The following DACT1 variants were observed in gnomAD, a reference collection of about 807,000 sequenced individuals.
DACT1 encodes dishevelled binding antagonist of beta catenin 1, also known as dapper homolog 1.
DACT1 carries 19 observed loss-of-function variants against 35.3 expected under a neutral mutation model. The observed-to-expected ratio is 0.54, with a 90% CI of 0.38 to 0.79. The LOEUF is 0.79. Ranked by LOEUF, DACT1 falls within the 30% of genes least tolerant of loss-of-function variation. The pLI is 0.00. For missense variants in DACT1, 1,143 were observed against 1,057.5 expected (o/e 1.08, Z -1.12); for synonymous variants, 545 against 466.7 (o/e 1.17, Z -2.16).
In DACT1 at chr14:58,641,700, C is replaced by G; in HGVS notation, c.587C>G (p.Pro196Arg). 6.2e-7 allele frequency: 1 copy of G among 1,614,170 alleles called. No individual in the cohort carries two copies. The highest frequency in any genetic ancestry group is 8.5e-7 in the Non-Finnish European group (1 of 1,180,028). The part of the protein sequence containing the change: ...SCHSSTCFCS[P>R]LEATLSLSDG... ...CATTCCAGCACCTGCTTTTGCAGCC[C>G]CTTGGAGGCGACCTTGAGTCTCTCA... Residue 196 changes from proline to arginine, a missense_variant, in exon 3 of 4, where the codon CCC (proline) becomes CGC (arginine). This residue lies in a region of DACT1 where 1,054 missense variants were observed against 958.8 expected (regional missense o/e 1.10). Coordinates refer to ENST00000395153, the MANE Select transcript of DACT1 (RefSeq NM_001079520.2).
chr14:58,647,181 C>A lies in DACT1; in HGVS notation c.*47C>A, dbSNP rs759708051. 27 of 1,575,214 alleles carry A rather than the reference C, an allele frequency of 1.7e-5. 1 individual carries two copies. The South Asian group carries it at 1.9e-4, about 11-fold the overall frequency. ...GTTTGTGTGTTTTTTTTTCTTCTCCCTAGTTGCCAAAATTAAAAAGGTGGT... is the reference window on the plus strand; with the variant it reads ...GTTTGTGTGTTTTTTTTTCTTCTCCATAGTTGCCAAAATTAAAAAGGTGGT... On this transcript the variant is annotated 3_prime_UTR_variant, in exon 4 of 4. Coordinates refer to ENST00000395153, the MANE Select transcript of DACT1 (RefSeq NM_001079520.2).
Position 58,646,082 on chromosome 14 carries a change from A to C in DACT1, c.1348A>C (p.Lys450Gln), listed in dbSNP as rs761434512. 1.2e-6 allele frequency: 2 copies of C among 1,613,600 alleles called. No individual in the cohort carries two copies. The highest frequency in any genetic ancestry group is 2.2e-5 in the South Asian group (2 of 91,046). The change falls in exon 4 of 4, where the codon AAA (lysine) becomes CAA (glutamine). Residue 450 changes from lysine to glutamine, a missense_variant. Physicochemically the swap from Lys to Gln is moderately conservative, Grantham distance 53. Coordinates refer to ENST00000395153, the MANE Select transcript of DACT1 (RefSeq NM_001079520.2). ...CGCTCAGCTCTCAGGGGCCTCTCCA[A>C]AAGAGAGTCCTAGCAGAGGCCCTGC... ...ESAQLSGASP[K>Q]ESPSRGPAPP...
rs756585155 is a variant in DACT1, at chr14:58,646,751, C to T, written c.2017C>T (p.Pro673Ser). Residue 673 changes from proline (P) to serine (S), a missense_variant, in exon 4 of 4, where the codon CCT (proline) becomes TCT (serine). This residue lies in a region of DACT1 where 1,054 missense variants were observed against 958.8 expected (regional missense o/e 1.10). Coordinates refer to ENST00000395153, the MANE Select transcript of DACT1 (RefSeq NM_001079520.2). ...TGTGGGGCTGTACCCCGCGCCTGTG[C>T]CTCTGCCCTACGCCAGCCCCTACGC... ...ENVGLYPAPV[P>S]LPYASPYAYV... 3.5e-5 allele frequency: 57 copies of T among 1,613,956 alleles called. No homozygotes were observed. Among genetic ancestry groups the T allele is most frequent in the Non-Finnish European group, 4.7e-5 (55 of 1,180,030 alleles).
Position 58,646,271 on chromosome 14 carries a change from G to C in DACT1, c.1537G>C (p.Glu513Gln), listed in dbSNP as rs1319010462. 3.1e-6 allele frequency: 5 copies of C among 1,613,676 alleles called. No homozygotes were observed. The Admixed American group carries it at 8.4e-5, about 27-fold the overall frequency. ...GAGCGAGGGCTCTTCCCAAAGCCTG[G>C]AGGAAGCGCACCTGGTCAAGGCCCA... ...FKSEGSSQSL[E>Q]EAHLVKAQFI... Residue 513 changes from glutamate to glutamine, a missense_variant, in exon 4 of 4, where the codon GAG becomes CAG. By Grantham distance (29) the Glu-to-Gln change is conservative. Around this residue, in one of 3 missense-constraint regions of DACT1, gnomAD observed 1,054 missense variants for 958.8 expected, o/e 1.10. Transcript: ENST00000395153.
In DACT1 at chr14:58,646,092, C is replaced by T. The variant is rs1184270862; in HGVS notation, c.1358C>T (p.Pro453Leu). ...TCAGGGGCCTCTCCAAAAGAGAGTC[C>T]TAGCAGAGGCCCTGCCCCGCCGCAG... Reference protein sequence around the residue: ...QLSGASPKESPSRGPAPPQEN... With the variant: ...QLSGASPKESLSRGPAPPQEN... The change falls in exon 4 of 4, where the codon CCT (proline) becomes CTT (leucine). Residue 453 changes from proline to leucine, a missense_variant. Transcript: ENST00000395153. 3 of 1,613,052 alleles carry T rather than the reference C, an allele frequency of 1.9e-6. No homozygotes were observed. Among genetic ancestry groups the T allele is most frequent in the Non-Finnish European group, 2.5e-6 (3 of 1,179,732 alleles).
chr14:58,637,401 T>C (rs1244731177), upstream of DACT1, among the ~76,000 whole-genome samples: 1 of 152,254 alleles, frequency 6.6e-6, no homozygotes, highest in Non-Finnish European at 1.5e-5. Flanking sequence ...TTGTGCTCTG[T>C]ATTGCTTGCC....
chr14:58,638,601 C>T lies in DACT1; in HGVS notation c.345+54C>T, dbSNP rs1334283071. On this transcript the variant is annotated intron_variant, in intron 1 of 3. Transcript: ENST00000395153. ...CTGTTCCTGCCCAGGGGCTGGAGGTCGGGCAGGTGGCCTGGGGCGGGCGCG... is the reference window on the plus strand; with the variant it reads ...CTGTTCCTGCCCAGGGGCTGGAGGTTGGGCAGGTGGCCTGGGGCGGGCGCG... 7.7e-6 allele frequency: 10 copies of T among 1,295,456 alleles called. No homozygotes were observed. The African/African-American group carries it at 1.1e-4, about 14-fold the overall frequency. 80.2% of individuals were successfully genotyped at this position (1,295,456 alleles called of 1,614,324 possible).
chr14:58,635,843 A>G (rs2047569709), upstream of DACT1, among the ~76,000 whole-genome samples: 1 of 152,206 alleles, frequency 6.6e-6, no homozygotes, highest in Non-Finnish European at 1.5e-5. Context: ...GGCCACAATA[A>G]TAGACTCCAC....
chr14:58,639,256 G>C, intron 1 of DACT1: 1 of 985,382 alleles, frequency 1.0e-6, no homozygotes, highest in South Asian at 4.7e-5. Context: ...AAGAGAACCT[G>C]CTCTCGGTAA....
chr14:58,635,841 T>C (rs1370868059), upstream of DACT1, among the ~76,000 whole-genome samples: 1 of 152,114 alleles, frequency 6.6e-6, no homozygotes, highest in Non-Finnish European at 1.5e-5. Flanking sequence ...CAGGCCACAA[T>C]AATAGACTCC....
At position 58,638,216 on chromosome 14, in the gene DACT1, C is replaced by T. The variant is rs1424908602; in HGVS notation, c.14C>T (p.Pro5Leu). The change falls in exon 1 of 4, where the codon CCG becomes CTG. Residue 5 changes from proline (P) to leucine (L), a missense_variant. Physicochemically the swap from Pro to Leu is moderately conservative, Grantham distance 98. Coordinates refer to ENST00000395153, the MANE Select transcript of DACT1 (RefSeq NM_001079520.2). Reference protein sequence around the residue: MKPSPAGTAKELEPP... With the variant: MKPSLAGTAKELEPP... ...CGACTGGGGGCCATGAAGCCGAGTC[C>T]GGCCGGGACGGCGAAGGAGCTGGAG... The T allele has an allele frequency of 1.5e-6, 2 of 1,342,678 alleles. No homozygotes were observed. The highest frequency in any genetic ancestry group is 1.9e-6 in the Non-Finnish European group (2 of 1,047,872). 83.2% of individuals were successfully genotyped at this position (1,342,678 alleles called of 1,614,324 possible). A position where few individuals can be genotyped will look rare whatever the true frequency, so the allele number is the denominator to read the frequency against.
In DACT1 at chr14:58,646,556, A is replaced by C. The variant is rs542380133; in HGVS notation, c.1822A>C (p.Arg608=). 40 of 1,557,300 alleles carry C rather than the reference A, an allele frequency of 2.6e-5. No homozygotes were observed. The South Asian group carries it at 4.6e-4, about 18-fold the overall frequency. The change falls in exon 4 of 4, where the codon AGG becomes CGG. Residue 608 remains arginine, a synonymous_variant. Transcript: ENST00000395153. ...CGGGCCCGAGGCTGGTGTTCCCGGC[A>C]GGCCCGCGGGCGGGGGCCACAGGGC... ...GGGPEAGVPG[R]PAGGGHRAGS...
chr14:58,634,389 C>A (rs1387838822), upstream of DACT1, among the ~76,000 whole-genome samples: 3 of 152,168 alleles, frequency 2.0e-5, no homozygotes, highest in Non-Finnish European at 4.4e-5. Context: ...TGCTACCACG[C>A]TTCTTTTTTC....
chr14:58,647,303 C>T lies in DACT1; in HGVS notation c.*169C>T. 1.3e-6 allele frequency: 1 copy of T among 750,034 alleles called. No homozygotes were observed. 46.5% of individuals were successfully genotyped at this position (750,034 alleles called of 1,614,324 possible). On this transcript the variant is annotated 3_prime_UTR_variant, in exon 4 of 4. Transcript: ENST00000395153. ...TCATCTTCACGTATGGATGCTAGTG[C>T]CTTTAATGGAAGGTAAAGAATGTTT...
At chr14:58,635,407 A>G (rs1430929222), upstream of DACT1, among the ~76,000 whole-genome samples, 1 of 152,228 alleles carries the variant, frequency 6.6e-6, no homozygotes, top group Non-Finnish European at 1.5e-5. Flanking sequence ...TGGAAAAACA[A>G]TTACAGCATT....
chr14:58,638,576 C>G (rs1011452623), intron 1 of DACT1, 29 bp downstream of exon 1: 2 of 1,319,116 alleles, frequency 1.5e-6, no homozygotes, highest in Non-Finnish European at 1.9e-6. Flanking sequence ...TGGAGCACGG[C>G]TGTTCCTGCC....
At chr14:58,644,939 G>A (rs956894129) in intron 3 of DACT1, among the ~76,000 whole-genome samples, 1 of 152,100 alleles carries the variant, frequency 6.6e-6, no homozygotes. Context: ...ATCCTAATAA[G>A]ATTATAATCA....
At chr14:58,639,160 T>C in intron 1 of DACT1, 1 of 985,294 alleles carries the variant, frequency 1.0e-6, no homozygotes, top group Non-Finnish European at 1.2e-6. Context: ...TAGATGGAAA[T>C]GATGGAAATT....
intron 1 of DACT1, chr14:58,638,984 G>A (rs548753724): frequency 2.0e-6 from 2 of 986,548 alleles, no homozygotes; most frequent in South Asian, 4.7e-5. Flanking sequence ...CAAAAGCCAA[G>A]GAGGGGGTTT....
Sources: allele counts gnomAD v4.1 joint callset (sites outside exome capture counted in the v4.1 genomes callset), GRCh38; gene constraint gnomAD v4.1.1; regional missense constraint gnomAD v4.1.1; transcripts MANE v1.5; gene names NCBI Gene and HGNC (gene_info 2026-07-23, HGNC 2026-07-21).